The following CD1B variants were observed in gnomAD, a reference collection of about 807,000 sequenced individuals.
CD1B encodes the protein T-cell surface glycoprotein CD1b.
CD1B carries 43 observed loss-of-function variants against 39.8 expected under a neutral mutation model. The observed-to-expected ratio is 1.08, with a 90% CI of 0.85 to 1.39. The LOEUF is 1.39. Among genes scored for constraint, CD1B ranks in the 40% most tolerant of loss-of-function variants. The probability of loss-of-function intolerance (pLI) is 0.00; values close to 1 mark genes in which losing one functional copy is unlikely to be tolerated. For synonymous variants in CD1B, 192 were observed against 152.5 expected (o/e 1.26, Z -1.91); for missense variants, 495 against 403.8 (o/e 1.23, Z -1.94).
chr1:158,321,445 TA>T, the CD1B span, among the ~76,000 whole-genome samples: 1 of 152,212 alleles, frequency 6.6e-6, no homozygotes, highest in Non-Finnish European at 1.5e-5. Flanking sequence ...GTTGAGTCTT[TA>T]AAAAAATCAA....
At chr1:158,291,303 C>A in the CD1B span, 2 of 1,614,076 alleles carry the variant, frequency 1.2e-6, no homozygotes, top group Non-Finnish European at 1.7e-6. Context: ...GCAACTTCAG[C>A]AATGAAGAGT....
At chr1:158,289,209 A>G in the CD1B span, among the ~76,000 whole-genome samples, 28 of 152,342 alleles carry the variant, frequency 1.8e-4, no homozygotes, top group East Asian at 5.4e-3. Context: ...TTTTTTGTTT[A>G]AACATCTGCA....
chr1:158,328,065 T>G lies in CD1B; in HGVS notation c.*171A>C. On this transcript the variant is annotated 3_prime_UTR_variant, in exon 6 of 6. Transcript: ENST00000368168. ...GTACAGTCTCATAATAAATTTACAG[T>G]TTTAAGTACTTTTTTGCTGATGTTT... 3.4e-6 allele frequency: 2 copies of G among 586,622 alleles called. No homozygotes were observed. The highest frequency in any genetic ancestry group is 6.1e-6 in the Non-Finnish European group (2 of 330,240). 36.3% of individuals were successfully genotyped at this position (586,622 alleles called of 1,614,324 possible).
the CD1B span, among the ~76,000 whole-genome samples, chr1:158,301,379 G>A: frequency 6.6e-6 from 1 of 152,130 alleles, no homozygotes; most frequent in Non-Finnish European, 1.5e-5. Flanking sequence ...TTTCTTCATA[G>A]CATCAATGGT....
chr1:158,292,230 G>A, the CD1B span: 1 of 1,614,146 alleles, frequency 6.2e-7, no homozygotes, highest in Non-Finnish European at 8.5e-7. Context: ...TGGAAGTTTG[G>A]CCCAAAGTGT....
At chr1:158,322,239 T>C in the CD1B span, among the ~76,000 whole-genome samples, 1 of 152,142 alleles carries the variant, frequency 6.6e-6, no homozygotes, top group African/African-American at 2.4e-5. Flanking sequence ...TATTCCTACA[T>C]TTATTCATTT....
chr1:158,330,767 C>G lies in CD1B; in HGVS notation c.328+29G>C, dbSNP rs192520104. On this transcript the variant is annotated intron_variant, in intron 2 of 5. Coordinates refer to ENST00000368168, the MANE Select transcript of CD1B (RefSeq NM_001764.3). The stretch of plus-strand genomic sequence containing the variant: ...AAGAGAGAAAAGAGAGTCCTTGAGA[C>G]TCTTCCCAGTTCGGTGGACTAGACT... The G allele has an allele frequency of 1.9e-6, 3 of 1,611,422 alleles. No homozygotes were observed. In the East Asian group the frequency reaches 6.7e-5, roughly 36 times the overall value.
At chr1:158,330,275 G>A in intron 2 of CD1B, 145 bp from the exon 3 acceptor site, 1 of 756,168 alleles carries the variant, frequency 1.3e-6, no homozygotes, top group Non-Finnish European at 2.2e-6. Context: ...ATAACATTTA[G>A]ACATTTTCAG....
downstream of CD1B, among the ~76,000 whole-genome samples, chr1:158,323,007 T>G (rs1652241526): frequency 6.6e-6 from 1 of 152,166 alleles, no homozygotes; most frequent in East Asian, 1.9e-4. Context: ...GCCTTTGACC[T>G]TCCTTTACTT....
At chr1:158,304,971 A>G in the CD1B span, among the ~76,000 whole-genome samples, 4 of 152,220 alleles carry the variant, frequency 2.6e-5, no homozygotes, top group African/African-American at 9.6e-5. Flanking sequence ...GGTAGATAAA[A>G]CCACAAAGAT....
the CD1B span, chr1:158,293,257 C>T: frequency 1.2e-5 from 19 of 1,613,930 alleles, no homozygotes; most frequent in Non-Finnish European, 1.4e-5. Flanking sequence ...GTGATAGTGC[C>T]CTTGGTGATT....
chr1:158,310,192 A>G, the CD1B span, among the ~76,000 whole-genome samples: 228 of 152,296 alleles, frequency 1.5e-3, 1 homozygote, highest in African/African-American at 4.9e-3. Context: ...GATCTTTGAC[A>G]ATGTCAACAG....
chr1:158,328,929 C>T lies in CD1B; in HGVS notation c.972G>A (p.Met324Ile). ...CACCACCCACAACTCACCGGCGCCT[C>T]ATATACCATAATGCAAGGCATAGCA... ...LLLLCLALWY[M>I]RRRSYQNIP The change falls in exon 5 of 6, where the codon ATG becomes ATA. Residue 324 changes from methionine to isoleucine, a missense_variant. Coordinates refer to ENST00000368168, the MANE Select transcript of CD1B (RefSeq NM_001764.3). 1.9e-6 allele frequency: 3 copies of T among 1,609,234 alleles called. No homozygotes were observed. Among genetic ancestry groups the T allele is most frequent in the Non-Finnish European group, 2.5e-6 (3 of 1,177,968 alleles).
chr1:158,290,068 C>T, the CD1B span: 28 of 1,613,456 alleles, frequency 1.7e-5, no homozygotes, highest in South Asian at 2.7e-4. Flanking sequence ...AAATGACATG[C>T]TGTTTCTGCA....
intron 2 of CD1B, 136 bp downstream of exon 2, chr1:158,330,660 C>A (rs1652560888): frequency 1.2e-6 from 1 of 855,452 alleles, no homozygotes; most frequent in Non-Finnish European, 2.0e-6. Flanking sequence ...GAGTGAGAGA[C>A]TACTCAAGAA....
chr1:158,329,929 C>T lies in CD1B; in HGVS notation c.530G>A (p.Arg177Lys). The stretch of plus-strand genomic sequence containing the variant: ...GGGGCAGGTTTCATAGAGGAGAATT[C>T]TCACAGTTTCCATGATACCTTGATA... ...IQYQGIMETV[R>K]ILLYETCPRY... The change falls in exon 3 of 6, where the codon AGA (arginine) becomes AAA (lysine). Residue 177 changes from arginine to lysine, a missense_variant. Transcript: ENST00000368168. 6.2e-7 allele frequency: 1 copy of T among 1,614,108 alleles called. No individual in the cohort carries two copies. The highest frequency in any genetic ancestry group is 8.5e-7 in the Non-Finnish European group (1 of 1,180,006).
chr1:158,323,380 T>G (rs1472508682), downstream of CD1B, among the ~76,000 whole-genome samples: 1 of 152,092 alleles, frequency 6.6e-6, no homozygotes, highest in African/African-American at 2.4e-5. Flanking sequence ...CTCTGATAAA[T>G]TTCTGAACTG....
chr1:158,306,267 A>T, the CD1B span, among the ~76,000 whole-genome samples: 1 of 152,216 alleles, frequency 6.6e-6, no homozygotes, highest in African/African-American at 2.4e-5. Flanking sequence ...AAAAAAAGGC[A>T]GTGGTTGCAA....
the CD1B span, among the ~76,000 whole-genome samples, chr1:158,314,882 C>T: frequency 6.7e-6 from 1 of 148,220 alleles, no homozygotes; most frequent in African/African-American, 2.5e-5. Flanking sequence ...GTTCAATTCC[C>T]ACCTATGAGT....
Sources: gnomAD v4.1 joint callset for allele counts (sites outside exome capture counted in the v4.1 genomes callset) on GRCh38, gnomAD v4.1.1 for gene constraint, MANE v1.5 for transcripts, NCBI Gene and HGNC (gene_info 2026-07-23, HGNC 2026-07-21) for gene names.